WAPL: variants seen among roughly 807,000 people sequenced by gnomAD.
WAPL encodes the protein wings apart-like protein homolog.
WAPL carries 5 observed loss-of-function variants against 121.0 expected under a neutral mutation model. The observed-to-expected ratio is 0.04, with a 90% CI of 0.02 to 0.09. WAPL has a LOEUF of 0.09. Among genes scored for constraint, WAPL ranks in the 10% least tolerant of loss-of-function variants. The pLI, the probability that WAPL is intolerant of heterozygous loss-of-function variation, is 1.00. For synonymous variants in WAPL, 480 were observed against 481.5 expected, an observed-to-expected ratio of 1.00 and a Z score of 0.04; for missense variants, 999 against 1,410.8, an observed-to-expected ratio of 0.71 and a Z score of 4.68.
chr10:86,495,663 CAAATT>C (rs1413493183), intron 4 of WAPL, among the ~76,000 whole-genome samples: 1 of 152,074 alleles, frequency 6.6e-6, no homozygotes, highest in Non-Finnish European at 1.5e-5. Context: ...AACAGAATGA[CAAATT>C]GAACATCAAA....
In WAPL at chr10:86,517,905, G is replaced by A; in HGVS notation, c.165C>T (p.Ile55=). The A allele has an allele frequency of 3.1e-6, 5 of 1,614,118 alleles. No homozygotes were observed. Among genetic ancestry groups the A allele is most frequent in the Non-Finnish European group, 4.2e-6 (5 of 1,180,006 alleles). The change falls in exon 2 of 19, where the codon ATC becomes ATT. Residue 55 remains isoleucine (I), a synonymous_variant. Coordinates refer to ENST00000298767, the MANE Select transcript of WAPL (RefSeq NM_015045.5). The stretch of plus-strand genomic sequence containing the variant: ...CTTTAGGTTTCTTCGGAATTTCTTG[G>A]ATATCTGGTTTGAAATTGGGCCTCT... ...GQKRPNFKPD[I]QEIPKKPKVE...
At chr10:86,484,547 T>C (rs1564577907) in intron 4 of WAPL, among the ~76,000 whole-genome samples, 1 of 152,194 alleles carries the variant, frequency 6.6e-6, no homozygotes, top group Non-Finnish European at 1.5e-5. Flanking sequence ...AAGGTTAATT[T>C]ATCATTGAAG....
At chr10:86,477,915 C>T (rs1841696176) in intron 4 of WAPL, among the ~76,000 whole-genome samples, 1 of 151,232 alleles carries the variant, frequency 6.6e-6, no homozygotes, top group Non-Finnish European at 1.5e-5. Flanking sequence ...CCCCGTCTCG[C>T]ATGGTGGTAG....
intron 12 of WAPL, among the ~76,000 whole-genome samples, chr10:86,455,875 G>A (rs866470330): frequency 6.6e-6 from 1 of 152,192 alleles, no homozygotes; most frequent in South Asian, 2.1e-4. Flanking sequence ...CGATATTACT[G>A]CATTAGGTTC....
At position 86,518,013 on chromosome 10, in the gene WAPL, T is replaced by C. The variant is rs1301581924; in HGVS notation, c.57A>G (p.Lys19=). The C allele has an allele frequency of 6.2e-7, 1 of 1,614,224 alleles. No homozygotes were observed. Among genetic ancestry groups the C allele is most frequent in the Non-Finnish European group, 8.5e-7 (1 of 1,180,032 alleles). Reference sequence around the variant, plus strand: ...GTTTGTTGGAAAAGACTTCATCGAATTTTGAACTGCCATTTCCACCTTTCC... The same window carrying C: ...GTTTGTTGGAAAAGACTTCATCGAACTTTGAACTGCCATTTCCACCTTTCC... ...YSRKGGNGSS[K]FDEVFSNKRT... The change falls in exon 2 of 19, where the codon AAA becomes AAG. Residue 19 remains lysine, a synonymous_variant. Transcript: ENST00000298767.
At chr10:86,516,185 T>C (rs138475783) in intron 2 of WAPL, among the ~76,000 whole-genome samples, 1 of 152,230 alleles carries the variant, frequency 6.6e-6, no homozygotes, top group African/African-American at 2.4e-5. Context: ...TGTTTTTTAA[T>C]GGAAATTTAA....
chr10:86,516,171 A>G (rs2132235040), intron 2 of WAPL, among the ~76,000 whole-genome samples: 1 of 152,202 alleles, frequency 6.6e-6, no homozygotes. Context: ...CAGGTCCTTT[A>G]CGCTGTTTTT....
chr10:86,520,916 TG>T (rs1416618294), intron 1 of WAPL, among the ~76,000 whole-genome samples: 1 of 152,032 alleles, frequency 6.6e-6, no homozygotes, highest in African/African-American at 2.4e-5. Flanking sequence ...AATCCTCACC[TG>T]GGGACAGCCG....
rs915538598 is a variant in WAPL, at chr10:86,490,114, C to T, written c.1644+7087G>A. 2.0e-5 allele frequency among the ~76,000 whole-genome samples: 3 copies of T among 151,256 alleles called. No individual in the cohort carries two copies. The East Asian group carries it at 5.8e-4, about 29-fold the overall frequency. On this transcript the variant is annotated intron_variant, in intron 4 of 18. Transcript: ENST00000298767. ...CTGTAATCCCAGCTACCTGGGAGGC[C>T]GAGGCAGGAGAATTGCTTGTACCTA...
At chr10:86,499,256 A>G (rs1195911569) in intron 3 of WAPL, among the ~76,000 whole-genome samples, 1 of 152,188 alleles carries the variant, frequency 6.6e-6, no homozygotes, top group African/African-American at 2.4e-5. Flanking sequence ...GTACCTTTAG[A>G]TAAGGTGATT....
chr10:86,506,327 A>G (rs1324951819), intron 2 of WAPL, among the ~76,000 whole-genome samples: 1 of 152,238 alleles, frequency 6.6e-6, no homozygotes, highest in East Asian at 1.9e-4. Context: ...GGCTGGCACA[A>G]TTCTATTTCC....
chr10:86,459,399 A>T (rs1841220427), intron 11 of WAPL, among the ~76,000 whole-genome samples: 1 of 152,246 alleles, frequency 6.6e-6, no homozygotes, highest in Non-Finnish European at 1.5e-5. Context: ...ATTCATTTAG[A>T]ACACATTTTT....
chr10:86,452,176 A>G, intron 14 of WAPL, 45 bp from the exon 15 acceptor site: 1 of 1,575,620 alleles, frequency 6.3e-7, no homozygotes, highest in Non-Finnish European at 8.7e-7. Flanking sequence ...ATGAGTACTT[A>G]AAACAAATGA....
chr10:86,464,675 A>T (rs1589507383), intron 9 of WAPL, among the ~76,000 whole-genome samples: 1 of 152,210 alleles, frequency 6.6e-6, no homozygotes, highest in Admixed American at 6.5e-5. Context: ...CTCTACTAAA[A>T]ATACAAGAAA....
intron 12 of WAPL, among the ~76,000 whole-genome samples, chr10:86,457,258 G>A (rs938306417): frequency 2.7e-5 from 4 of 147,936 alleles, no homozygotes; most frequent in African/African-American, 5.0e-5. Context: ...GGGAGGTCAA[G>A]GCAGGAGAAT....
chr10:86,458,669 T>C (rs958750209), intron 12 of WAPL, among the ~76,000 whole-genome samples: 1 of 152,208 alleles, frequency 6.6e-6, no homozygotes, highest in Non-Finnish European at 1.5e-5. Context: ...ATATATTTCT[T>C]ACAAACATAC....
chr10:86,506,856 A>C (rs1842362084), intron 2 of WAPL, among the ~76,000 whole-genome samples: 1 of 152,012 alleles, frequency 6.6e-6, no homozygotes. Flanking sequence ...CACTGGACTA[A>C]GGGTGCCTCT....
intron 14 of WAPL, 26 bp from the exon 15 acceptor site, chr10:86,452,157 T>TTTGA (rs766961050): frequency 2.9e-5 from 46 of 1,604,846 alleles, no homozygotes; most frequent in Middle Eastern, 1.7e-4. Flanking sequence ...AAGACACATA[T>TTTGA]TATCAGAGAT....
chr10:86,438,253 CTTTT>C (rs11402864), intron 17 of WAPL, among the ~76,000 whole-genome samples: 1 of 138,548 alleles, frequency 7.2e-6, no homozygotes, highest in Non-Finnish European at 1.5e-5. Context: ...TACACATTTA[CTTTT>C]TTTTTTTTTT....
Sources: allele counts gnomAD v4.1 joint callset (sites outside exome capture counted in the v4.1 genomes callset), GRCh38; gene constraint gnomAD v4.1.1; transcripts MANE v1.5; gene names NCBI Gene and HGNC (gene_info 2026-07-23, HGNC 2026-07-21).